SHANK2: variants seen among roughly 807,000 people sequenced by gnomAD.
SHANK2 encodes the protein SH3 and multiple ankyrin repeat domains protein 2.
Under a neutral mutation model 133.7 loss-of-function variants are expected in SHANK2, and 43 were observed. That is an observed-to-expected ratio of 0.32 (90% confidence interval 0.25 to 0.41). The LOEUF is 0.41. Ranked by LOEUF, SHANK2 falls within the 10% of genes least tolerant of loss-of-function variation. The probability of loss-of-function intolerance (pLI) is 1.00; values close to 1 mark genes in which losing one functional copy is unlikely to be tolerated. For synonymous variants in SHANK2, 1,017 were observed against 952.8 expected, an observed-to-expected ratio of 1.07 and a Z score of -1.24; for missense variants, 1,994 against 2,235.8, an observed-to-expected ratio of 0.89 and a Z score of 2.18.
intron 25 of SHANK2, among the ~76,000 whole-genome samples, chr11:70,478,205 G>A (rs1457882785): frequency 6.6e-6 from 1 of 151,374 alleles, no homozygotes; most frequent in African/African-American, 2.4e-5. Flanking sequence ...ACGGGGTCAT[G>A]CAGCAATCAT....
intron 10 of SHANK2, among the ~76,000 whole-genome samples, chr11:70,946,271 C>T (rs1205341097): frequency 2.7e-5 from 4 of 146,048 alleles, no homozygotes; most frequent in Admixed American, 6.8e-5. Flanking sequence ...GGCTCAACCT[C>T]CCTCTCCACT....
At chr11:71,138,314 T>C (rs1428671914) in intron 3 of SHANK2, among the ~76,000 whole-genome samples, 4 of 152,206 alleles carry the variant, frequency 2.6e-5, no homozygotes, top group Non-Finnish European at 4.4e-5. Context: ...GAGGGGAAGA[T>C]AGGCTCAGAC....
At position 71,149,052 on chromosome 11, in the gene SHANK2, T is replaced by C. The variant is rs141237847; in HGVS notation, c.-12-1714A>G. Among the ~76,000 whole-genome samples, 367 of 152,204 alleles carry C rather than the reference T, an allele frequency of 2.4e-3. 2 individuals carry two copies. The highest frequency in any genetic ancestry group is 4.5e-3 in the Non-Finnish European group (305 of 68,010). ...CAGGACAAGGTCAAACTTGGTACAG[T>C]TGGGGACACAGATGTTTGCCGTATT... On this transcript the variant is annotated intron_variant, in intron 2 of 25. Transcript: ENST00000601538.
At chr11:70,514,706 G>A (rs1025086089) in intron 17 of SHANK2, among the ~76,000 whole-genome samples, 2 of 152,148 alleles carry the variant, frequency 1.3e-5, no homozygotes, top group African/African-American at 4.8e-5. Flanking sequence ...TTGATCCACT[G>A]CTAAAAGAAT....
rs552321247 is a variant in SHANK2, at chr11:70,946,861, C to T, written c.1108-50294G>A. ...CCTTCCCAGGCTCATCCTCCCTCTC[C>T]ACTAACTAACCCTTCCCAGGCTCAA... On this transcript the variant is annotated intron_variant, in intron 10 of 25. Coordinates refer to ENST00000601538, the MANE Select transcript of SHANK2 (RefSeq NM_012309.5). Among the ~76,000 whole-genome samples the T allele has an allele frequency of 1.8e-4, 26 of 147,112 alleles. No individual in the cohort carries two copies. In the South Asian group the frequency reaches 5.1e-3, roughly 29 times the overall value.
intron 17 of SHANK2, among the ~76,000 whole-genome samples, chr11:70,590,121 C>T (rs1392634754): frequency 6.6e-6 from 1 of 152,174 alleles, no homozygotes; most frequent in Non-Finnish European, 1.5e-5. Context: ...GAGATTGCGT[C>T]ACTGCACTCC....
At chr11:71,169,542 G>A (rs1197195549) in intron 2 of SHANK2, among the ~76,000 whole-genome samples, 1 of 152,176 alleles carries the variant, frequency 6.6e-6, no homozygotes, top group Non-Finnish European at 1.5e-5. Flanking sequence ...CCCGAGGTCA[G>A]GAGTTCAAGA....
In SHANK2 at chr11:70,473,805, G is replaced by T; in HGVS notation, c.4980-366C>A. ...GCAGGGCCGGGGGACCCTCGGGAGG[G>T]TGGCCACTGAGGCATTTGGAAGGGG... On this transcript the variant is annotated intron_variant, in intron 25 of 25. Coordinates refer to ENST00000601538, the MANE Select transcript of SHANK2 (RefSeq NM_012309.5). This position sits in a 1 kb window ranked among gnomAD's most constrained non-coding sequence, Gnocchi z 5.9. 2.7e-6 allele frequency: 1 copy of T among 366,982 alleles called. No individual in the cohort carries two copies. The highest frequency in any genetic ancestry group is 2.3e-5 in the South Asian group (1 of 43,894). 22.7% of individuals were successfully genotyped at this position (366,982 alleles called of 1,614,324 possible).
At chr11:71,195,319 G>T (rs893139457) in intron 2 of SHANK2, among the ~76,000 whole-genome samples, 2 of 152,114 alleles carry the variant, frequency 1.3e-5, no homozygotes, top group East Asian at 3.9e-4. Flanking sequence ...GTGAACCCAG[G>T]AGGCAGAGCT....
At chr11:70,862,743 T>C (rs187850327) in intron 11 of SHANK2, 4 of 157,232 alleles carry the variant, frequency 2.5e-5, no homozygotes, top group African/African-American at 8.4e-5. Context: ...GGGAAATCTA[T>C]GTGCTTGGGG....
At chr11:71,100,034 G>A (rs537107698) in intron 6 of SHANK2, among the ~76,000 whole-genome samples, 2 of 138,946 alleles carry the variant, frequency 1.4e-5, no homozygotes, top group Admixed American at 1.4e-4. Flanking sequence ...GGGAGACAGA[G>A]TAAGACCATG....
chr11:71,074,556 GC>G (rs1273874743), intron 9 of SHANK2, among the ~76,000 whole-genome samples: 1 of 152,218 alleles, frequency 6.6e-6, no homozygotes, highest in East Asian at 1.9e-4. Flanking sequence ...TAACTTAGGG[GC>G]TTTTTAAGTA....
In SHANK2 at chr11:70,627,086, T is replaced by C. The variant is rs145942899; in HGVS notation, c.2061+32742A>G. 2.9e-3 allele frequency among the ~76,000 whole-genome samples: 437 copies of C among 152,294 alleles called. 2 individuals are homozygous for C. Among genetic ancestry groups the C allele is most frequent in the African/African-American group, 9.7e-3 (405 of 41,554 alleles). On this transcript the variant is annotated intron_variant, in intron 17 of 25. Coordinates refer to ENST00000601538, the MANE Select transcript of SHANK2 (RefSeq NM_012309.5). ...GCATGGTGTTGGGGGACTTTGTCCCTGAAGTGTCTCCTCTCACAGCTCGCT... is the reference window on the plus strand; with the variant it reads ...GCATGGTGTTGGGGGACTTTGTCCCCGAAGTGTCTCCTCTCACAGCTCGCT...
chr11:70,939,690 C>T (rs1398404842), intron 10 of SHANK2, among the ~76,000 whole-genome samples: 1 of 152,096 alleles, frequency 6.6e-6, no homozygotes, highest in Non-Finnish European at 1.5e-5. Context: ...CATTCCCTTC[C>T]CCATGATGGA....
At chr11:70,612,350 T>A (rs1313816530) in intron 17 of SHANK2, among the ~76,000 whole-genome samples, 2 of 152,178 alleles carry the variant, frequency 1.3e-5, no homozygotes, top group African/African-American at 4.8e-5. Flanking sequence ...AACAAGCACC[T>A]GCCATTTACC....
At chr11:71,114,424 A>C (rs1951943181) in intron 4 of SHANK2, among the ~76,000 whole-genome samples, 1 of 152,184 alleles carries the variant, frequency 6.6e-6, no homozygotes, top group Non-Finnish European at 1.5e-5. Context: ...ATCTCACAGA[A>C]AAGCTTCCAA....
Position 71,147,171 on chromosome 11 carries a change from G to A in SHANK2, c.156C>T (p.Ser52=), listed in dbSNP as rs1555106863. 3 of 1,550,458 alleles carry A rather than the reference G, an allele frequency of 1.9e-6. No homozygotes were observed. The highest frequency in any genetic ancestry group is 3.9e-5 in the Admixed American group (2 of 51,000). Residue 52 remains serine, a synonymous_variant, in exon 3 of 26, where the codon AGC becomes AGT. Transcript: ENST00000601538. Reference sequence around the variant, plus strand: ...CGCGGATCACCAGCGTGTTGCCCTGGCTCTCCTCCGTCCTGGCACCGCCCG... The same window carrying A: ...CGCGGATCACCAGCGTGTTGCCCTGACTCTCCTCCGTCCTGGCACCGCCCG... ...EKPGGARTEE[S]QGNTLVIRVV... is the part of the protein sequence containing the mutation.
At chr11:71,246,284 A>C (rs1954959731) in intron 1 of SHANK2, among the ~76,000 whole-genome samples, 1 of 152,072 alleles carries the variant, frequency 6.6e-6, no homozygotes. Context: ...CCAGCTGTCC[A>C]GACTCTTGGC....
chr11:71,207,992 G>A (rs1555118247), intron 2 of SHANK2, among the ~76,000 whole-genome samples: 1 of 152,068 alleles, frequency 6.6e-6, no homozygotes, highest in Non-Finnish European at 1.5e-5. Flanking sequence ...TGGTGTCCGA[G>A]AGGTATACTG....
Sources: allele counts gnomAD v4.1 joint callset (sites outside exome capture counted in the v4.1 genomes callset), GRCh38; gene constraint gnomAD v4.1.1; non-coding constraint Gnocchi (gnomAD v3.1); transcripts MANE v1.5; gene names NCBI Gene and HGNC (gene_info 2026-07-23, HGNC 2026-07-21).